Variants in PKD1 observed in about 807,000 individuals in gnomAD.
PKD1 encodes the protein polycystin 1, transient receptor potential channel interacting.
Under a neutral mutation model 361.7 loss-of-function variants are expected in PKD1, and 81 were observed. The ratio of observed to expected loss-of-function variants is 0.22; its 90% CI spans 0.19 to 0.27. The LOEUF (loss-of-function observed/expected upper bound fraction) is 0.27. Ranked by LOEUF, PKD1 falls within the 10% of genes least tolerant of loss-of-function variation. The probability of loss-of-function intolerance (pLI) is 1.00; values close to 1 mark genes in which losing one functional copy is unlikely to be tolerated. For synonymous variants in PKD1, 3,615 were observed against 2,818.3 expected (o/e 1.28, Z -8.95); for missense variants, 6,399 against 6,118.3 (o/e 1.05, Z -1.53).
At position 2,108,359 on chromosome 16, in the gene PKD1, C is replaced by G. The variant is rs969226632; in HGVS notation, c.6808G>C (p.Asp2270His). Residue 2270 changes from aspartate (D) to histidine (H), a missense_variant, in exon 15 of 46, where the codon GAC becomes CAC. Physicochemically the swap from Asp to His is moderately conservative, Grantham distance 81 (BLOSUM62 -1). Transcript: ENST00000262304. ...CCATCCAGCACCAGGTCCCGTGTGT[C>G]TGACCACACGCGGTATGAGCCACCC... ...IEGGSYRVWS[D>H]TRDLVLDGSE... 3 of 1,609,772 alleles carry G rather than the reference C, an allele frequency of 1.9e-6. No individual in the cohort carries two copies. Among genetic ancestry groups the G allele is most frequent in the Non-Finnish European group, 2.5e-6 (3 of 1,179,172 alleles).
In PKD1 at chr16:2,106,391, C is replaced by T. The variant is rs2082953; in HGVS notation, c.7489+7G>A. The T allele has an allele frequency of 4.4e-6, 7 of 1,592,050 alleles. No individual in the cohort carries two copies. Among genetic ancestry groups the T allele is most frequent in the Non-Finnish European group, 6.0e-6 (7 of 1,171,246 alleles). On this transcript the variant is annotated splice_region_variant and intron_variant, in intron 18 of 45. Coordinates refer to ENST00000262304, the MANE Select transcript of PKD1 (RefSeq NM_001009944.3). The surrounding 1 kb of genome is among the most constrained non-coding windows in gnomAD (Gnocchi z 6.5). The stretch of plus-strand genomic sequence containing the variant: ...CCGCTGCTCCCCCCACGCAGGCCTG[C>T]ACTCACCCGTGCATTCGAAGTGCAC...
intron 30 of PKD1, chr16:2,098,253 G>C: frequency 1.9e-6 from 1 of 529,914 alleles, no homozygotes; most frequent in South Asian, 2.0e-5. Context: ...CTGTCACCCA[G>C]GCTGGAGTGC....
In PKD1 at chr16:2,108,820, C is replaced by T. The variant is rs2092427097; in HGVS notation, c.6347G>A (p.Arg2116Lys). 5 of 1,569,868 alleles carry T rather than the reference C, an allele frequency of 3.2e-6. No individual in the cohort carries two copies. Among genetic ancestry groups the T allele is most frequent in the Non-Finnish European group, 4.3e-6 (5 of 1,158,798 alleles). Residue 2116 changes from arginine (R) to lysine (K), a missense_variant, in exon 15 of 46, where the codon AGG becomes AAG. By Grantham distance (26) the Arg-to-Lys change is conservative (BLOSUM62 2). Coordinates refer to ENST00000262304, the MANE Select transcript of PKD1 (RefSeq NM_001009944.3). ...CACCTGCACGCGGTAGTCCCCAGGC[C>T]TCAGGTAGGAGTGCTCGGCCCTGGG... ...DEPRAEHSYL[R>K]PGDYRVQVNA...
rs1274412718 is a variant in PKD1 at position 2,111,057 on chromosome 16, G to A, written c.4110C>T (p.Tyr1370=). 3.7e-6 allele frequency: 6 copies of A among 1,610,556 alleles called. No individual in the cohort carries two copies. In the African/African-American group the frequency reaches 5.3e-5, roughly 14 times the overall value. Residue 1370 remains tyrosine (Y), a synonymous_variant, in exon 15 of 46, where the codon TAC becomes TAT. Transcript: ENST00000262304. ...VLSSRVNRAH[Y]FTSICVEPEV... ...CTGGCTCCACGCAGATGCTGGTGAA[G>A]TAATGCGCCCTGTTCACGCGGCTGG...
chr16:2,116,815 G>C lies in PKD1; in HGVS notation c.1606+18C>G. Reference sequence around the variant, plus strand: ...ACCACAGCCAGCGTCTCAGGCCCCTGCCTGGCCCCCCGCACACCTCCGGGC... The same window carrying C: ...ACCACAGCCAGCGTCTCAGGCCCCTCCCTGGCCCCCCGCACACCTCCGGGC... On this transcript the variant is annotated intron_variant, in intron 7 of 45. Coordinates refer to ENST00000262304, the MANE Select transcript of PKD1 (RefSeq NM_001009944.3). 4 of 1,467,664 alleles carry C rather than the reference G, an allele frequency of 2.7e-6. No individual in the cohort carries two copies. Among genetic ancestry groups the C allele is most frequent in the Non-Finnish European group, 3.7e-6 (4 of 1,086,680 alleles). The allele number at this position is 1,467,664 out of a possible 1,614,324, so 90.9% of individuals were successfully genotyped here.
rs778810849 is a variant in PKD1, at chr16:2,114,527, G to A, written c.2496C>T (p.Arg832=). Residue 832 remains arginine, a synonymous_variant, in exon 11 of 46, where the codon CGC becomes CGT. Coordinates refer to ENST00000262304, the MANE Select transcript of PKD1 (RefSeq NM_001009944.3). ...TGGTGGGCACGTAGAGGCGGCCGTCGCGGGGGGCAGGGTAGATGACCCGCA... is the reference window on the plus strand; with the variant it reads ...TGGTGGGCACGTAGAGGCGGCCGTCACGGGGGGCAGGGTAGATGACCCGCA... ...AGLRVIYPAP[R]DGRLYVPTNG... 39 of 1,593,998 alleles carry A rather than the reference G, an allele frequency of 2.4e-5. No individual in the cohort carries two copies. In the Admixed American group the frequency reaches 3.7e-4, roughly 15 times the overall value.
In PKD1 at chr16:2,111,659, G is replaced by A. The variant is rs1431631379; in HGVS notation, c.3508C>T (p.Leu1170=). The A allele has an allele frequency of 1.9e-6, 3 of 1,573,878 alleles. No individual in the cohort carries two copies. Among genetic ancestry groups the A allele is most frequent in the East Asian group, 2.3e-5 (1 of 42,920 alleles). The part of the protein sequence containing the change: ...TWDFGDGSPV[L]TQSQPAANHT... ...TTGGCAGCCGGCTGGCTCTGGGTCAGGACAGGGGAGCCGTCCCCGAAGTCC... is the reference window on the plus strand; with the variant it reads ...TTGGCAGCCGGCTGGCTCTGGGTCAAGACAGGGGAGCCGTCCCCGAAGTCC... Residue 1170 remains leucine (L), a synonymous_variant, in exon 15 of 46, where the codon CTG becomes TTG. Transcript: ENST00000262304.
intron 1 of PKD1, among the ~76,000 whole-genome samples, chr16:2,132,906 A>C (rs1338685182): frequency 6.7e-6 from 1 of 149,870 alleles, no homozygotes; most frequent in African/African-American, 2.5e-5. Flanking sequence ...ATATGGAGAA[A>C]CCCTGTCTCT....
intron 30 of PKD1, 155 bp downstream of exon 30, chr16:2,099,489 C>G: frequency 2.8e-6 from 2 of 713,424 alleles, no homozygotes; most frequent in South Asian, 3.0e-5. Flanking sequence ...CCTGGTCAGT[C>G]TAGCTAAGGC....
rs577221877 is a variant in PKD1, at chr16:2,116,822, C to T, written c.1606+11G>A. On this transcript the variant is annotated intron_variant, in intron 7 of 45. Coordinates refer to ENST00000262304, the MANE Select transcript of PKD1 (RefSeq NM_001009944.3). ...CCAGCGTCTCAGGCCCCTGCCTGGC[C>T]CCCCGCACACCTCCGGGCTGCAGCT... The T allele has an allele frequency of 5.4e-6, 8 of 1,494,968 alleles. No individual in the cohort carries two copies. Among genetic ancestry groups the T allele is most frequent in the Non-Finnish European group, 5.4e-6 (6 of 1,111,418 alleles). 92.6% of individuals were successfully genotyped at this position (1,494,968 alleles called of 1,614,324 possible). A position where few individuals can be genotyped will look rare whatever the true frequency, so the allele number is the denominator to read the frequency against.
rs142672740 is a variant in PKD1 at position 2,108,867 on chromosome 16, C to T, written c.6300G>A (p.Ser2100=). The T allele has an allele frequency of 9.5e-6, 15 of 1,576,404 alleles. No individual in the cohort carries two copies. The highest frequency in any genetic ancestry group is 1.4e-5 in the African/African-American group (1 of 73,918). ...TGGGCTCATCTGTGTCCTGCCCTGG[C>T]GACCCATCCCCAAAGTCCCAGTGGT... ...VAYHWDFGDG[S]PGQDTDEPRA... Residue 2100 remains serine (S), a synonymous_variant, in exon 15 of 46, where the codon TCG becomes TCA. Coordinates refer to ENST00000262304, the MANE Select transcript of PKD1 (RefSeq NM_001009944.3).
chr16:2,108,110 C>A lies in PKD1; in HGVS notation c.6916-78G>T, dbSNP rs901814144. On this transcript the variant is annotated intron_variant, in intron 15 of 45. Transcript: ENST00000262304. ...AAGCAGAGCCCGGCCCAGGAGACAG[C>A]GCGGGAGACCCCCTCCCCATGCTGG... 3.3e-5 allele frequency: 50 copies of A among 1,529,524 alleles called. No individual in the cohort carries two copies. The South Asian group carries it at 5.4e-4, about 17-fold the overall frequency. 94.7% of individuals were successfully genotyped at this position (1,529,524 alleles called of 1,614,324 possible).
chr16:2,102,193 T>G lies in PKD1; in HGVS notation c.9265A>C (p.Met3089Leu). 6.6e-7 allele frequency: 1 copy of G among 1,507,858 alleles called. No individual in the cohort carries two copies. Among genetic ancestry groups the G allele is most frequent in the East Asian group, 2.2e-5 (1 of 44,502 alleles). 93.4% of individuals were successfully genotyped at this position (1,507,858 alleles called of 1,614,324 possible). Residue 3089 changes from methionine (M) to leucine (L), a missense_variant, in exon 26 of 46, where the codon ATG becomes CTG. Transcript: ENST00000262304. ...TTGTGCAGGATGGCGGCCATGACCA[T>G]GTAGGTCACCAGGCACACAGCACAT... Reference protein sequence around the residue: ...LTCAVCLVTYMVMAAILHKLD... With the variant: ...LTCAVCLVTYLVMAAILHKLD...
chr16:2,103,218 C>G lies in PKD1; in HGVS notation c.8791+48G>C, dbSNP rs757202933. ...AAGCCCTACGAGAAACGCCTTCCCC[C>G]CAAGAACAAGGCCAGGGGGCCGCGT... On this transcript the variant is annotated intron_variant, in intron 23 of 45. Coordinates refer to ENST00000262304, the MANE Select transcript of PKD1 (RefSeq NM_001009944.3). 4.0e-5 allele frequency: 63 copies of G among 1,594,080 alleles called. 1 individual carries two copies. In the African/African-American group the frequency reaches 4.3e-4, roughly 11 times the overall value.
In PKD1 at chr16:2,091,525, G is replaced by T; in HGVS notation, c.11610C>A (p.Arg3870=). The T allele has an allele frequency of 6.7e-7, 1 of 1,488,316 alleles. No individual in the cohort carries two copies. Among genetic ancestry groups the T allele is most frequent in the Non-Finnish European group, 8.8e-7 (1 of 1,131,784 alleles). The allele number at this position is 1,488,316 out of a possible 1,614,324, so 92.2% of individuals were successfully genotyped here. The change falls in exon 42 of 46, where the codon CGC becomes CGA. Residue 3870 remains arginine (R), a synonymous_variant. Transcript: ENST00000262304. ...AVGLHAAVTL[R]LEFPAAGRAL... is the part of the protein sequence containing the mutation. The stretch of plus-strand genomic sequence containing the variant: ...CGCGGCCGGCCGCCGGGAACTCGAG[G>T]CGCAGCGTGACGGCGGCGTGCAGCC...
At chr16:2,105,688 AG>A in intron 20 of PKD1, 176 bp downstream of exon 20, 6 of 1,333,428 alleles carry the variant, frequency 4.5e-6, no homozygotes, top group Non-Finnish European at 6.2e-6. Context: ...CAGACGCCGG[AG>A]AGGGCCCGGT....
intron 3 of PKD1, 45 bp downstream of exon 3, chr16:2,119,069 G>A (rs762977521): frequency 2.8e-6 from 3 of 1,055,328 alleles, no homozygotes; most frequent in Non-Finnish European, 4.3e-6. Context: ...GGATATTGGG[G>A]GCCTGGGGTC....
At chr16:2,113,006 G>C in intron 12 of PKD1, 43 bp from the exon 13 acceptor site, 1 of 1,558,892 alleles carries the variant, frequency 6.4e-7, no homozygotes, top group Non-Finnish European at 8.7e-7. Context: ...CAGGTGAGAG[G>C]CCTGGCCCTG....
At chr16:2,098,911 A>G (rs943407495) in intron 30 of PKD1, 2 of 149,014 alleles carry the variant, frequency 1.3e-5, no homozygotes, top group Admixed American at 6.2e-5. Context: ...GCTCACTGCA[A>G]GCTCCGCCTC....
Sources: allele counts gnomAD v4.1 joint callset (sites outside exome capture counted in the v4.1 genomes callset), GRCh38; gene constraint gnomAD v4.1.1; non-coding constraint Gnocchi (gnomAD v3.1); transcripts MANE v1.5; gene names NCBI Gene and HGNC (gene_info 2026-07-23, HGNC 2026-07-21).